GATAD1: variants seen among roughly 807,000 people sequenced by gnomAD.
GATAD1 encodes the protein GATA zinc finger domain containing 1.
Under a neutral mutation model 26.5 loss-of-function variants are expected in GATAD1, and 12 were observed. That is an observed-to-expected ratio of 0.45 (90% CI 0.29 to 0.73). The LOEUF (loss-of-function observed/expected upper bound fraction) is 0.73, where lower values mean the gene tolerates loss of function less well. GATAD1 is among the 30% of genes least tolerant of loss of function. The probability of loss-of-function intolerance (pLI) is 0.10; values close to 1 mark genes in which losing one functional copy is unlikely to be tolerated. For missense variants in GATAD1, 266 were observed against 342.1 expected, an observed-to-expected ratio of 0.78 and a Z score of 1.75; for synonymous variants, 129 against 133.1, an observed-to-expected ratio of 0.97 and a Z score of 0.21.
At chr7:92,480,484 T>C in the GATAD1 span, among the ~76,000 whole-genome samples, 2 of 152,128 alleles carry the variant, frequency 1.3e-5, no homozygotes, top group Non-Finnish European at 2.9e-5. Flanking sequence ...TCCTTGAGGA[T>C]ATGTTTCCAC....
At chr7:92,480,899 T>G in the GATAD1 span, among the ~76,000 whole-genome samples, 1 of 152,160 alleles carries the variant, frequency 6.6e-6, no homozygotes, top group Non-Finnish European at 1.5e-5. Flanking sequence ...GGAGGACCCT[T>G]GCGTAGTGAG....
At chr7:92,487,605 G>A in the GATAD1 span, 2 of 704,962 alleles carry the variant, frequency 2.8e-6, no homozygotes, top group Non-Finnish European at 2.4e-6. Context: ...AAAGATAATG[G>A]ATTGTTGGCA....
chr7:92,486,066 G>A, the GATAD1 span, among the ~76,000 whole-genome samples: 1 of 152,184 alleles, frequency 6.6e-6, no homozygotes, highest in Non-Finnish European at 1.5e-5. Context: ...TAAGATTCAT[G>A]GTCAAATTGG....
intron 2 of GATAD1, chr7:92,449,923 A>G (rs1223377960): frequency 6.6e-6 from 1 of 152,140 alleles, no homozygotes; most frequent in Non-Finnish European, 1.5e-5. Flanking sequence ...GTATTTTCTT[A>G]TTCAGACTAG....
intron 3 of GATAD1, among the ~76,000 whole-genome samples, chr7:92,453,767 A>G (rs550324444): frequency 2.0e-5 from 3 of 152,346 alleles, no homozygotes; most frequent in African/African-American, 4.8e-5. Context: ...AAGACAGTAC[A>G]GAGAAAAGAC....
In GATAD1 at chr7:92,457,728, C is replaced by T. The variant is rs1209126535; in HGVS notation, c.*1166C>T. 1.3e-5 allele frequency: 2 copies of T among 152,206 alleles called. No homozygotes were observed. Among genetic ancestry groups the T allele is most frequent in the African/African-American group, 4.8e-5 (2 of 41,450 alleles). The allele number at this position is 152,206 out of a possible 1,614,324, so 9.4% of individuals were successfully genotyped here. A position where few individuals can be genotyped will look rare whatever the true frequency, so the allele number is the denominator to read the frequency against. The stretch of plus-strand genomic sequence containing the variant: ...AAATAAAATGACTAACAGCATCTAT[C>T]ATAAAGCCACACAAGCCTTATGTTC... On this transcript the variant is annotated 3_prime_UTR_variant, in exon 5 of 5. Transcript: ENST00000287957.
In GATAD1 at chr7:92,454,702, G is replaced by T; in HGVS notation, c.619+17G>T. 1 of 1,549,034 alleles carries T rather than the reference G, an allele frequency of 6.5e-7. No homozygotes were observed. On this transcript the variant is annotated intron_variant, in intron 4 of 4. Coordinates refer to ENST00000287957, the MANE Select transcript of GATAD1 (RefSeq NM_021167.5). ...ATATCATAGGTAAGTTTGACAAATG[G>T]CACAGGTTTTTTTTTAACTTAGTTA...
At chr7:92,479,281 G>A in the GATAD1 span, among the ~76,000 whole-genome samples, 1 of 152,144 alleles carries the variant, frequency 6.6e-6, no homozygotes, top group Non-Finnish European at 1.5e-5. Flanking sequence ...CAGGCGGGCT[G>A]AGTCCAAAAA....
the GATAD1 span, chr7:92,493,009 G>T: frequency 9.9e-6 from 16 of 1,613,684 alleles, no homozygotes; most frequent in African/African-American, 1.3e-5. Flanking sequence ...GCATTGTAAA[G>T]TAAAGCTTTC....
chr7:92,460,033 C>G lies in GATAD1; in HGVS notation c.*3471C>G, dbSNP rs1236917601. 6.6e-6 allele frequency among the ~76,000 whole-genome samples: 1 copy of G among 152,094 alleles called. No homozygotes were observed. Among genetic ancestry groups the G allele is most frequent in the Non-Finnish European group, 1.5e-5 (1 of 68,020 alleles). On this transcript the variant is annotated 3_prime_UTR_variant, in exon 5 of 5. Transcript: ENST00000287957. The stretch of plus-strand genomic sequence containing the variant: ...TTTAAGATGAGTTTTAAATAGTTCT[C>G]TTAACACAAATAAAGCTTAATATGA...
Position 92,459,852 on chromosome 7 carries a change from C to T in GATAD1, c.*3290C>T, listed in dbSNP as rs1044073037. Among the ~76,000 whole-genome samples the T allele has an allele frequency of 6.6e-6, 1 of 152,164 alleles. No individual in the cohort carries two copies. Among genetic ancestry groups the T allele is most frequent in the Non-Finnish European group, 1.5e-5 (1 of 68,024 alleles). On this transcript the variant is annotated 3_prime_UTR_variant, in exon 5 of 5. Transcript: ENST00000287957. Reference sequence around the variant, plus strand: ...CTGATTGTAGGGTCTGAGTTAGATACTGTTAACTAAAATGCTTGTTGATAT... The same window carrying T: ...CTGATTGTAGGGTCTGAGTTAGATATTGTTAACTAAAATGCTTGTTGATAT...
intron 2 of GATAD1, chr7:92,450,397 T>G (rs1433831547): frequency 3.0e-6 from 1 of 331,106 alleles, no homozygotes; most frequent in African/African-American, 2.2e-5. Context: ...AGCAGGTACA[T>G]TTTTATAACT....
At chr7:92,454,925 G>A (rs1789605712) in intron 4 of GATAD1, among the ~76,000 whole-genome samples, 2 of 152,126 alleles carry the variant, frequency 1.3e-5, no homozygotes. Flanking sequence ...TTCTTGCTGT[G>A]TCCTCACATG....
In GATAD1 at chr7:92,458,689, T is replaced by C. The variant is rs535394734; in HGVS notation, c.*2127T>C. 3 of 152,346 alleles carry C rather than the reference T, an allele frequency of 2.0e-5. No homozygotes were observed. The highest frequency in any genetic ancestry group is 3.9e-4 in the East Asian group (2 of 5,188). 9.4% of individuals were successfully genotyped at this position (152,346 alleles called of 1,614,324 possible). ...TTACCCTTTTTCCACATAGTTATGG[T>C]GTTTGAGTTGGAAAGAAACAACTAT... On this transcript the variant is annotated 3_prime_UTR_variant, in exon 5 of 5. Transcript: ENST00000287957.
the GATAD1 span, among the ~76,000 whole-genome samples, chr7:92,479,655 T>A: frequency 6.6e-6 from 1 of 151,746 alleles, no homozygotes; most frequent in African/African-American, 2.4e-5. Context: ...GCAGCAAAAA[T>A]TTTGGGGGTG....
the GATAD1 span, chr7:92,489,967 T>A: frequency 1.5e-6 from 2 of 1,299,126 alleles, no homozygotes; most frequent in Non-Finnish European, 2.2e-6. Context: ...GAGAAAAAAC[T>A]ATGTGTTTAC....
the GATAD1 span, among the ~76,000 whole-genome samples, chr7:92,474,225 T>C: frequency 2.0e-5 from 3 of 152,086 alleles, no homozygotes; most frequent in African/African-American, 7.2e-5. Flanking sequence ...CCAAGTTCAA[T>C]AGGGTTTCTA....
chr7:92,473,452 C>T, the GATAD1 span, among the ~76,000 whole-genome samples: 8 of 152,108 alleles, frequency 5.3e-5, no homozygotes, highest in Non-Finnish European at 8.8e-5. Context: ...TTAACTTGAA[C>T]AGGACGGGCA....
the GATAD1 span, chr7:92,494,425 A>G: frequency 6.8e-6 from 11 of 1,611,788 alleles, no homozygotes; most frequent in African/African-American, 1.3e-5. Context: ...TTTTTTTACC[A>G]AAATCTGATG....
Sources: allele counts gnomAD v4.1 joint callset (sites outside exome capture counted in the v4.1 genomes callset), GRCh38; gene constraint gnomAD v4.1.1; transcripts MANE v1.5; gene names NCBI Gene and HGNC (gene_info 2026-07-23, HGNC 2026-07-21).